SORCS1: variants seen among roughly 807,000 people sequenced by gnomAD.
The protein encoded by SORCS1 is sortilin related VPS10 domain containing receptor 1.
SORCS1 carries 60 observed loss-of-function variants against 146.1 expected under a neutral mutation model. That is an observed-to-expected ratio of 0.41 (90% CI 0.33 to 0.51). The LOEUF (loss-of-function observed/expected upper bound fraction) is 0.51. Ranked by LOEUF, SORCS1 falls within the 20% of genes least tolerant of loss-of-function variation. The pLI, the probability that SORCS1 is intolerant of heterozygous loss-of-function variation, is 0.21. For missense variants in SORCS1, 1,352 were observed against 1,487.6 expected, an observed-to-expected ratio of 0.91 and a Z score of 1.50; for synonymous variants, 637 against 584.0, an observed-to-expected ratio of 1.09 and a Z score of -1.31.
Position 107,032,192 on chromosome 10 carries a change from C to T in SORCS1, c.559-75612G>A, listed in dbSNP as rs115207190. Among the ~76,000 whole-genome samples the T allele has an allele frequency of 5.4e-3, 821 of 152,248 alleles. 12 individuals are homozygous for T. The highest frequency in any genetic ancestry group is 0.019 in the African/African-American group (772 of 41,546). ...TATAAATAAATAAAAGACACGTAGA[C>T]ACACATGTCCATTAGTAAGAACTCT... On this transcript the variant is annotated intron_variant, in intron 1 of 25. Coordinates refer to ENST00000263054, the MANE Select transcript of SORCS1 (RefSeq NM_052918.5).
In SORCS1 at chr10:107,164,302, A is replaced by C; in HGVS notation, c.225T>G (p.Arg75=). The change falls in exon 1 of 26, where the codon CGT becomes CGG. Residue 75 remains arginine, a synonymous_variant. Coordinates refer to ENST00000263054, the MANE Select transcript of SORCS1 (RefSeq NM_052918.5). This position sits in a 1 kb window ranked among gnomAD's most constrained non-coding sequence, Gnocchi z 6.8. ...APATPLPLVV[R]PLFSVAPGDR... ...CCCCGGGGGCCACTGAGAACAGGGG[A>C]CGCACTACGAGGGGCAGGGGCGTGG... is the stretch of plus-strand genomic sequence containing the variant. 1 of 1,583,872 alleles carries C rather than the reference A, an allele frequency of 6.3e-7. No individual in the cohort carries two copies. Among genetic ancestry groups the C allele is most frequent in the Non-Finnish European group, 8.6e-7 (1 of 1,169,286 alleles).
intron 2 of SORCS1, among the ~76,000 whole-genome samples, chr10:106,909,006 T>C (rs573490632): frequency 3.3e-4 from 50 of 152,180 alleles, no homozygotes; most frequent in Non-Finnish European, 5.9e-4. Context: ...TGGGAAGAAA[T>C]GTTTGCCTGT....
At chr10:106,924,529 A>T (rs190355696) in intron 2 of SORCS1, among the ~76,000 whole-genome samples, 31 of 151,924 alleles carry the variant, frequency 2.0e-4, no homozygotes, top group Non-Finnish European at 3.7e-4. Flanking sequence ...TGCATTGGGC[A>T]GGAGCTACTC....
intron 2 of SORCS1, among the ~76,000 whole-genome samples, chr10:106,952,638 T>C (rs922894233): frequency 6.7e-6 from 1 of 149,732 alleles, no homozygotes; most frequent in African/African-American, 2.4e-5. Flanking sequence ...TTATTCTCTG[T>C]TTTCTAAATT....
At chr10:106,925,101 T>C (rs985516947) in intron 2 of SORCS1, among the ~76,000 whole-genome samples, 1 of 152,228 alleles carries the variant, frequency 6.6e-6, no homozygotes, top group African/African-American at 2.4e-5. Flanking sequence ...ATTGAGTATT[T>C]GCAAATTAAA....
chr10:106,944,874 CTT>C (rs765355110), intron 2 of SORCS1, among the ~76,000 whole-genome samples: 59 of 36,594 alleles, frequency 1.6e-3, no homozygotes, highest in African/African-American at 3.9e-3. Context: ...AAAGAGCCTT[CTT>C]TTTTTTTTTT....
chr10:106,920,084 A>G (rs1344601574), intron 2 of SORCS1, among the ~76,000 whole-genome samples: 2 of 152,140 alleles, frequency 1.3e-5, no homozygotes, highest in Non-Finnish European at 2.9e-5. Flanking sequence ...TCACTTCCCA[A>G]AAAAGAAGCT....
At chr10:106,866,085 C>T (rs1184290721) in intron 2 of SORCS1, among the ~76,000 whole-genome samples, 1 of 151,952 alleles carries the variant, frequency 6.6e-6, no homozygotes, top group Non-Finnish European at 1.5e-5. Context: ...CCCATATCTC[C>T]TCACTGGCCA....
intron 24 of SORCS1, among the ~76,000 whole-genome samples, chr10:106,592,734 T>C (rs1339825071): frequency 6.6e-6 from 1 of 152,014 alleles, no homozygotes; most frequent in Non-Finnish European, 1.5e-5. Flanking sequence ...GAAATAGAGT[T>C]GATGTGGAAG....
chr10:107,061,160 G>T (rs937186458), intron 1 of SORCS1, among the ~76,000 whole-genome samples: 2 of 152,010 alleles, frequency 1.3e-5, no homozygotes, highest in Non-Finnish European at 2.9e-5. Flanking sequence ...TGTTTAACGA[G>T]AATTTTTACC....
intron 1 of SORCS1, among the ~76,000 whole-genome samples, chr10:107,129,134 T>C (rs968355416): frequency 6.6e-6 from 1 of 152,232 alleles, no homozygotes; most frequent in Admixed American, 6.5e-5. Context: ...AGCTGGTTGC[T>C]ATTGACAGCA....
intron 24 of SORCS1, among the ~76,000 whole-genome samples, chr10:106,586,765 G>T (rs1845262848): frequency 6.6e-6 from 1 of 152,164 alleles, no homozygotes; most frequent in Non-Finnish European, 1.5e-5. Context: ...AGATCAGCCT[G>T]GGCAACATAG....
intron 4 of SORCS1, among the ~76,000 whole-genome samples, chr10:106,767,551 C>T (rs1859670642): frequency 6.6e-6 from 1 of 152,098 alleles, no homozygotes. Context: ...TACAGTGGCG[C>T]CATCTCGGCT....
At chr10:106,869,219 A>C (rs1442406507) in intron 2 of SORCS1, among the ~76,000 whole-genome samples, 1 of 152,164 alleles carries the variant, frequency 6.6e-6, no homozygotes, top group East Asian at 1.9e-4. Flanking sequence ...AACCAATAAA[A>C]GCCCAGGAAC....
Position 106,706,619 on chromosome 10 carries a change from G to A in SORCS1, c.1159C>T (p.Arg387Trp), listed in dbSNP as rs369334370. 1.4e-5 allele frequency: 23 copies of A among 1,614,032 alleles called. No individual in the cohort carries two copies. Among genetic ancestry groups the A allele is most frequent in the African/African-American group, 5.3e-5 (4 of 75,036 alleles). ...YVFVQLTSGGRPHYYVSYRRN... is the reference protein window; with the variant it reads ...YVFVQLTSGGWPHYYVSYRRN... ...CGGTAGGACACGTAGTAATGTGGCC[G>A]CCCTCCTGATGTCAGCTGGATCATA... Residue 387 changes from arginine to tryptophan, a missense_variant, in exon 8 of 26, where the codon CGG (arginine) becomes TGG (tryptophan). This residue lies in a region of SORCS1 where 648 missense variants were observed against 793.8 expected (regional missense o/e 0.82). Coordinates refer to ENST00000263054, the MANE Select transcript of SORCS1 (RefSeq NM_052918.5).
Position 106,618,182 on chromosome 10 carries a change from T to A in SORCS1, c.2887A>T (p.Ile963Phe). The A allele has an allele frequency of 6.2e-7, 1 of 1,614,138 alleles. No individual in the cohort carries two copies. Among genetic ancestry groups the A allele is most frequent in the South Asian group, 1.1e-5 (1 of 91,086 alleles). Reference sequence around the variant, plus strand: ...GCGATGGTCTTTGTGTCTTGTAGGATGGCATTCCCAGCTGAGACCTGCACT... The same window carrying A: ...GCGATGGTCTTTGTGTCTTGTAGGAAGGCATTCCCAGCTGAGACCTGCACT... ...ITVQVSAGNA[I>F]LQDTKTIAVY... The change falls in exon 21 of 26, where the codon ATC (isoleucine) becomes TTC (phenylalanine). Residue 963 changes from isoleucine to phenylalanine, a missense_variant. Physicochemically the swap from Ile to Phe is conservative, Grantham distance 21. Around this residue, in one of 3 missense-constraint regions of SORCS1, gnomAD observed 648 missense variants for 793.8 expected, o/e 0.82. Coordinates refer to ENST00000263054, the MANE Select transcript of SORCS1 (RefSeq NM_052918.5).
chr10:106,667,709 C>G lies in SORCS1; in HGVS notation c.2283G>C (p.Gln761His). ...CTTACCCAGTACTATTGAGGTAACTCTGTCCCAAGCTGCAATCCTTTGACA... is the reference window on the plus strand; with the variant it reads ...CTTACCCAGTACTATTGAGGTAACTGTGTCCCAAGCTGCAATCCTTTGACA... ...SSLSKDCSLGQSYLNSTGYRK... is the reference protein window; with the variant it reads ...SSLSKDCSLGHSYLNSTGYRK... The change falls in exon 17 of 26, where the codon CAG becomes CAC. Residue 761 changes from glutamine to histidine, a missense_variant. Physicochemically the swap from Gln to His is conservative, Grantham distance 24. This residue lies in a region of SORCS1 where 648 missense variants were observed against 793.8 expected (regional missense o/e 0.82). Transcript: ENST00000263054. 1 of 1,614,014 alleles carries G rather than the reference C, an allele frequency of 6.2e-7. No individual in the cohort carries two copies. The highest frequency in any genetic ancestry group is 8.5e-7 in the Non-Finnish European group (1 of 1,179,978).
intron 1 of SORCS1, among the ~76,000 whole-genome samples, chr10:107,079,426 T>C (rs533509083): frequency 1.3e-5 from 2 of 152,266 alleles, no homozygotes; most frequent in South Asian, 4.1e-4. Flanking sequence ...ACATTGTTTG[T>C]CATAATGGAG....
intron 1 of SORCS1, among the ~76,000 whole-genome samples, chr10:107,029,812 T>C (rs542850629): frequency 2.0e-5 from 3 of 152,354 alleles, no homozygotes; most frequent in South Asian, 2.1e-4. Context: ...AGTTTTAGGT[T>C]GGCAGCCAGG....
Sources: gnomAD v4.1 joint callset for allele counts (sites outside exome capture counted in the v4.1 genomes callset) on GRCh38, gnomAD v4.1.1 for gene constraint, gnomAD v4.1.1 regional missense constraint, Gnocchi (gnomAD v3.1) non-coding constraint, MANE v1.5 for transcripts, NCBI Gene and HGNC (gene_info 2026-07-23, HGNC 2026-07-21) for gene names.